The following NMNAT3 variants were observed in gnomAD, a reference collection of about 807,000 sequenced individuals.
NMNAT3 encodes nicotinamide nucleotide adenylyltransferase 3.
Under a neutral mutation model 24.8 loss-of-function variants are expected in NMNAT3, and 21 were observed. The ratio of observed to expected loss-of-function variants is 0.85; its 90% CI spans 0.60 to 1.22. NMNAT3 has a LOEUF of 1.22. NMNAT3 is among the 50% of genes most tolerant of loss of function. NMNAT3 has a pLI of 0.00. For synonymous variants in NMNAT3, 136 were observed against 155.2 expected (o/e 0.88, Z 0.92); for missense variants, 387 against 436.6 (o/e 0.89, Z 1.01).
At chr3:139,665,630 G>A (rs1331078581) in intron 1 of NMNAT3, among the ~76,000 whole-genome samples, 3 of 151,662 alleles carry the variant, frequency 2.0e-5, no homozygotes, top group African/African-American at 2.4e-5. Flanking sequence ...TGTCTGTAAC[G>A]GTAAAAAATT....
chr3:139,594,020 G>T (rs1182585700), intron 3 of NMNAT3, among the ~76,000 whole-genome samples: 1 of 151,812 alleles, frequency 6.6e-6, no homozygotes, highest in African/African-American at 2.4e-5. Context: ...AACGAATCCA[G>T]GAGCTGGTTT....
intron 3 of NMNAT3, among the ~76,000 whole-genome samples, chr3:139,596,957 TATA>T (rs1559891297): frequency 2.8e-5 from 3 of 106,538 alleles, no homozygotes; most frequent in African/African-American, 8.4e-5. Context: ...TATATATATA[TATA>T]TATATTTTTA....
At chr3:139,648,511 T>C (rs1292558396) in intron 1 of NMNAT3, among the ~76,000 whole-genome samples, 1 of 152,204 alleles carries the variant, frequency 6.6e-6, no homozygotes, top group African/African-American at 2.4e-5. Flanking sequence ...TGTGAACAGA[T>C]TAAGTATGAA....
intron 1 of NMNAT3, among the ~76,000 whole-genome samples, chr3:139,657,660 A>T (rs1302288905): frequency 1.3e-5 from 2 of 151,824 alleles, no homozygotes; most frequent in Non-Finnish European, 2.9e-5. Context: ...CTCATGGGGA[A>T]GTGTGACATG....
At chr3:139,666,639 TG>T (rs1380359453) in intron 1 of NMNAT3, among the ~76,000 whole-genome samples, 1 of 152,198 alleles carries the variant, frequency 6.6e-6, no homozygotes, top group East Asian at 1.9e-4. Flanking sequence ...AATAAATTAC[TG>T]TTAACTATTG....
intron 3 of NMNAT3, among the ~76,000 whole-genome samples, chr3:139,623,622 C>T (rs189027049): frequency 2.0e-5 from 3 of 152,068 alleles, no homozygotes; most frequent in Admixed American, 6.5e-5. Flanking sequence ...CTCACTCTGT[C>T]GCCCAGGCTG....
chr3:139,591,752 G>A (rs113565538), intron 3 of NMNAT3, among the ~76,000 whole-genome samples: 2 of 152,242 alleles, frequency 1.3e-5, no homozygotes, highest in Non-Finnish European at 2.9e-5. Flanking sequence ...ACCTGCAGCT[G>A]AGGGTCCTGT....
chr3:139,593,489 C>A (rs542354083), intron 3 of NMNAT3, among the ~76,000 whole-genome samples: 22 of 152,286 alleles, frequency 1.4e-4, no homozygotes, highest in African/African-American at 5.1e-4. Flanking sequence ...AGTCTCTACC[C>A]CAAATCAACA....
chr3:139,603,241 T>G (rs1395739659), intron 3 of NMNAT3, among the ~76,000 whole-genome samples: 1 of 152,200 alleles, frequency 6.6e-6, no homozygotes, highest in Non-Finnish European at 1.5e-5. Flanking sequence ...GGGCTTCCCA[T>G]GCTTGTTTAG....
At chr3:139,604,413 T>C (rs2054849107) in intron 3 of NMNAT3, among the ~76,000 whole-genome samples, 1 of 152,218 alleles carries the variant, frequency 6.6e-6, no homozygotes, top group East Asian at 1.9e-4. Context: ...ATTGCACATA[T>C]ATAAATGTAC....
Position 139,579,048 on chromosome 3 carries a change from G to T in NMNAT3, c.399C>A (p.Tyr133Ter), listed in dbSNP as rs769339528. The stretch of plus-strand genomic sequence containing the variant: ...GAGAGATGATACCCTGGATGACCTG[G>T]TACATTCCTAGGTAAGAGAGAGCAG... Residue 133 changes from tyrosine to a stop codon, truncating the protein, a stop_gained, in exon 5 of 7, where the codon TAC (tyrosine) becomes TAA (stop). Coordinates refer to ENST00000643695, the MANE Select transcript of NMNAT3 (RefSeq NM_001320510.2). LOFTEE classifies it high-confidence loss of function. 1 of 1,613,386 alleles carries T rather than the reference G, an allele frequency of 6.2e-7. No individual in the cohort carries two copies. The highest frequency in any genetic ancestry group is 1.1e-5 in the South Asian group (1 of 90,826).
intron 1 of NMNAT3, among the ~76,000 whole-genome samples, chr3:139,662,855 T>A (rs1294931826): frequency 6.6e-6 from 1 of 152,160 alleles, no homozygotes; most frequent in African/African-American, 2.4e-5. Flanking sequence ...CCCCAATCAA[T>A]ATTACTCTTT....
chr3:139,598,341 C>A (rs572926653), intron 3 of NMNAT3, among the ~76,000 whole-genome samples: 1 of 152,144 alleles, frequency 6.6e-6, no homozygotes, highest in Non-Finnish European at 1.5e-5. Context: ...AGAAGTGATA[C>A]TTTGTGACTT....
At chr3:139,611,808 GCTCCACAAA>G (rs2055228735) in intron 3 of NMNAT3, among the ~76,000 whole-genome samples, 1 of 152,174 alleles carries the variant, frequency 6.6e-6, no homozygotes, top group Admixed American at 6.5e-5. Context: ...GCCCATTTCT[GCTCCACAAA>G]TCAAGAGAAC....
chr3:139,633,675 C>G (rs2056391239), intron 2 of NMNAT3, among the ~76,000 whole-genome samples: 1 of 152,114 alleles, frequency 6.6e-6, no homozygotes, highest in Admixed American at 6.6e-5. Flanking sequence ...AGGCACAGCG[C>G]TGCGAAGGCC....
intron 3 of NMNAT3, among the ~76,000 whole-genome samples, chr3:139,600,062 C>A (rs1002763894): frequency 2.0e-5 from 3 of 152,190 alleles, no homozygotes; most frequent in East Asian, 1.9e-4. Context: ...GCTTCAATTT[C>A]TCTTACTTCT....
chr3:139,673,305 G>A (rs148659395), intron 1 of NMNAT3, among the ~76,000 whole-genome samples: 346 of 152,258 alleles, frequency 2.3e-3, no homozygotes, highest in African/African-American at 8.0e-3. Flanking sequence ...GACAACATCC[G>A]AGGAGGAGCT....
At chr3:139,647,091 C>T (rs1026616189) in intron 1 of NMNAT3, among the ~76,000 whole-genome samples, 8 of 152,214 alleles carry the variant, frequency 5.3e-5, no homozygotes. Context: ...TCTCAATTTC[C>T]TTCTAGCTAG....
chr3:139,616,259 C>G (rs2055497040), intron 3 of NMNAT3, among the ~76,000 whole-genome samples: 2 of 152,196 alleles, frequency 1.3e-5, no homozygotes, highest in African/African-American at 4.8e-5. Flanking sequence ...ATACTAAATT[C>G]TTAACACTTA....
Sources: gnomAD v4.1 joint callset for allele counts (sites outside exome capture counted in the v4.1 genomes callset) on GRCh38, gnomAD v4.1.1 for gene constraint, MANE v1.5 for transcripts, NCBI Gene and HGNC (gene_info 2026-07-23, HGNC 2026-07-21) for gene names.